Variants in ASPM observed in about 807,000 individuals in gnomAD.
ASPM encodes abnormal spindle-like microcephaly-associated protein.
A neutral mutation model predicts 366.4 loss-of-function variants in ASPM; 256 were observed. The observed-to-expected ratio is 0.70, with a 90% CI of 0.63 to 0.77. The LOEUF is 0.77. Among genes scored for constraint, ASPM ranks in the 30% least tolerant of loss-of-function variants. The probability of loss-of-function intolerance (pLI) is 0.00; values close to 1 mark genes in which losing one functional copy is unlikely to be tolerated. For missense variants in ASPM, 4,146 were observed against 4,090.4 expected, an observed-to-expected ratio of 1.01 and a Z score of -0.37; for synonymous variants, 1,414 against 1,342.9, an observed-to-expected ratio of 1.05 and a Z score of -1.16.
chr1:197,124,823 G>A, intron 12 of ASPM, 47 bp downstream of exon 12: 1 of 1,385,420 alleles, frequency 7.2e-7, no homozygotes, highest in Non-Finnish European at 1.0e-6. Context: ...TTATAAATCA[G>A]TAATCAAAAT....
At chr1:197,107,944 A>G (rs539520449) in intron 17 of ASPM, among the ~76,000 whole-genome samples, 2 of 152,136 alleles carry the variant, frequency 1.3e-5, no homozygotes, top group South Asian at 2.1e-4. Flanking sequence ...AAAAAACTCT[A>G]TTTATAAAAA....
chr1:197,129,308 T>C lies in ASPM; in HGVS notation c.2639A>G (p.Glu880Gly), dbSNP rs1466424897. The change falls in exon 9 of 28, where the codon GAA becomes GGA. Residue 880 changes from glutamate to glycine, a missense_variant. Physicochemically the swap from Glu to Gly is moderately conservative, Grantham distance 98. Transcript: ENST00000367409. ...TTTCAATGTAAACTTGGACAAAGCT[T>C]CTTCATGACCTTAAATAAAGTACAA... ...VPHLYRDGHEEALSKFTLKKL... is the reference protein window; with the variant it reads ...VPHLYRDGHEGALSKFTLKKL... 2 of 1,612,958 alleles carry C rather than the reference T, an allele frequency of 1.2e-6. No homozygotes were observed. Among genetic ancestry groups the C allele is most frequent in the East Asian group, 4.5e-5 (2 of 44,712 alleles).
Position 197,105,156 on chromosome 1 carries a change from T to C in ASPM, c.4095A>G (p.Gln1365=). The C allele has an allele frequency of 6.2e-7, 1 of 1,608,030 alleles. No individual in the cohort carries two copies. The highest frequency in any genetic ancestry group is 2.2e-5 in the East Asian group (1 of 44,706). The change falls in exon 18 of 28, where the codon CAA becomes CAG. Residue 1365 remains glutamine, a synonymous_variant. Transcript: ENST00000367409. ...AATAATATTTCAATTTCAGAAATCT[T>C]TGTCTAGTGGAATATCTTCTCCAAT... ...QGYWRRYSTR[Q]RFLKLKYYSI... is the part of the protein sequence containing the mutation.
rs374716623 is a variant in ASPM at position 197,124,730 on chromosome 1, G to C, written c.3168+140C>G. The C allele has an allele frequency of 6.4e-6, 4 of 626,488 alleles. No homozygotes were observed. The East Asian group carries it at 9.3e-5, about 15-fold the overall frequency. The allele number at this position is 626,488 out of a possible 1,614,324, so 38.8% of individuals were successfully genotyped here. A position where few individuals can be genotyped will look rare whatever the true frequency, so the allele number is the denominator to read the frequency against. ...ACATATATATACATATATATATATA[G>C]CATTTATCACAGTTACTGGGGCAAA... On this transcript the variant is annotated intron_variant, in intron 12 of 27. Transcript: ENST00000367409.
In ASPM at chr1:197,103,560, T is replaced by C. The variant is rs768200667; in HGVS notation, c.5691A>G (p.Glu1897=). The C allele has an allele frequency of 2.2e-5, 36 of 1,613,084 alleles. No homozygotes were observed. Among genetic ancestry groups the C allele is most frequent in the Non-Finnish European group, 3.0e-5 (35 of 1,179,478 alleles). Residue 1897 remains glutamate, a synonymous_variant, in exon 18 of 28, where the codon GAA becomes GAG. Transcript: ENST00000367409. Reference sequence around the variant, plus strand: ...ACTGAATCTTCAAGGCAGCTTGATGTTCCCTTCTAATCTGTTTCCGAACCT... The same window carrying C: ...ACTGAATCTTCAAGGCAGCTTGATGCTCCCTTCTAATCTGTTTCCGAACCT... The part of the protein sequence containing the change: ...GWKVRKQIRR[E]HQAALKIQSA...
Position 197,102,474 on chromosome 1 carries a change from T to A in ASPM, c.6777A>T (p.Leu2259Phe), listed in dbSNP as rs1434690526. The A allele has an allele frequency of 2.5e-6, 4 of 1,612,730 alleles. No individual in the cohort carries two copies. Among genetic ancestry groups the A allele is most frequent in the Admixed American group, 1.7e-5 (1 of 59,808 alleles). Residue 2259 changes from leucine (L) to phenylalanine (F), a missense_variant, in exon 18 of 28, where the codon TTA (leucine) becomes TTT (phenylalanine). By Grantham distance (22) the Leu-to-Phe change is conservative (BLOSUM62 0). Around this residue, in one of 3 missense-constraint regions of ASPM, gnomAD observed 3,624 missense variants for 3,591.7 expected, o/e 1.01. Transcript: ENST00000367409. ...IFRGKKARRH[L>F]KMMHIAATLI... ...GAGTTGCGGCTATATGCATCATTTT[T>A]AAATGTCTTCTAGCTTTCTTTCCCC...
chr1:197,087,114 G>T lies in ASPM; in HGVS notation c.10162-142C>A, dbSNP rs868241087. Reference sequence around the variant, plus strand: ...TTGAGATGGTCTCTCTTGCTCTGTCGCCCAGGCTGAAGTGCAGTGGTGCGA... The same window carrying T: ...TTGAGATGGTCTCTCTTGCTCTGTCTCCCAGGCTGAAGTGCAGTGGTGCGA... On this transcript the variant is annotated intron_variant, in intron 26 of 27. Coordinates refer to ENST00000367409, the MANE Select transcript of ASPM (RefSeq NM_018136.5). The T allele has an allele frequency of 1.3e-5, 10 of 760,372 alleles. No homozygotes were observed. The Admixed American group carries it at 2.2e-4, about 17-fold the overall frequency. 47.1% of individuals were successfully genotyped at this position (760,372 alleles called of 1,614,324 possible).
At chr1:197,119,696 T>C (rs1463276981) in intron 16 of ASPM, among the ~76,000 whole-genome samples, 4 of 152,140 alleles carry the variant, frequency 2.6e-5, no homozygotes, top group Non-Finnish European at 5.9e-5. Flanking sequence ...TCTTGCCTCA[T>C]ATATATAGGG....
rs1319926089 is a variant in ASPM at position 197,119,815 on chromosome 1, T to G, written c.3871-1832A>C. 5.9e-5 allele frequency among the ~76,000 whole-genome samples: 9 copies of G among 152,170 alleles called. No homozygotes were observed. In the East Asian group the frequency reaches 1.7e-3, roughly 29 times the overall value. On this transcript the variant is annotated intron_variant, in intron 16 of 27. Coordinates refer to ENST00000367409, the MANE Select transcript of ASPM (RefSeq NM_018136.5). The stretch of plus-strand genomic sequence containing the variant: ...GCTTCAATAGTTCATCAGGTAATTT[T>G]AGCTACTTGACAAAGTTTCTTTGTC...
At chr1:197,143,852 T>C (rs1397168192) in intron 2 of ASPM, 42 bp from the exon 3 acceptor site, 1 of 1,584,688 alleles carries the variant, frequency 6.3e-7, no homozygotes, top group South Asian at 1.1e-5. Flanking sequence ...TTTGTAGCTA[T>C]TGAATATTAA....
chr1:197,124,510 CT>C (rs974954491), intron 12 of ASPM, among the ~76,000 whole-genome samples, 179 bp from the exon 13 acceptor site: 4 of 149,518 alleles, frequency 2.7e-5, no homozygotes, highest in Non-Finnish European at 4.5e-5. Flanking sequence ...AAAACAGTCG[CT>C]TTTTTTTTCC....
intron 12 of ASPM, 84 bp from the exon 13 acceptor site, chr1:197,124,415 C>T (rs1484990009): frequency 1.0e-6 from 1 of 991,326 alleles, no homozygotes; most frequent in Non-Finnish European, 1.5e-6. Flanking sequence ...TAACTGTCTT[C>T]TATTTAGAGA....
In ASPM at chr1:197,089,965, T is replaced by G; in HGVS notation, c.9949A>C (p.Arg3317=). The G allele has an allele frequency of 6.2e-7, 1 of 1,613,386 alleles. No homozygotes were observed. Among genetic ancestry groups the G allele is most frequent in the Non-Finnish European group, 8.5e-7 (1 of 1,179,542 alleles). Residue 3317 remains arginine, a synonymous_variant, in exon 25 of 28, where the codon AGA becomes CGA. Coordinates refer to ENST00000367409, the MANE Select transcript of ASPM (RefSeq NM_018136.5). The part of the protein sequence containing the change: ...NRSIPCMEVI[R]YAVQVLLNVS... Reference sequence around the variant, plus strand: ...TTAAGCAAGACTTGCACAGCATATCTGATGACTTCCATACAAGGAATACTG... The same window carrying G: ...TTAAGCAAGACTTGCACAGCATATCGGATGACTTCCATACAAGGAATACTG...
In ASPM at chr1:197,144,542, A is replaced by G. The variant is rs184703751; in HGVS notation, c.298-442T>C. Among the ~76,000 whole-genome samples, 19 of 152,366 alleles carry G rather than the reference A, an allele frequency of 1.2e-4. 1 individual carries two copies. In the East Asian group the frequency reaches 2.9e-3, roughly 23 times the overall value. On this transcript the variant is annotated intron_variant, in intron 1 of 27. Transcript: ENST00000367409. ...AAATTCCTCTAAGGTCCACATCATC[A>G]TACTGAGATTTCTTAAACAGGTATT...
chr1:197,144,071 G>A lies in ASPM; in HGVS notation c.327C>T (p.Asn109=), dbSNP rs374755559. 4.7e-5 allele frequency: 75 copies of A among 1,606,774 alleles called. No homozygotes were observed. The highest frequency in any genetic ancestry group is 6.3e-5 in the Non-Finnish European group (74 of 1,173,900). Reference sequence around the variant, plus strand: ...CTCGGCCTTCTTTGAGTGGTGTCCAGTTAACAGAAATAACAATTTTCTCTT... The same window carrying A: ...CTCGGCCTTCTTTGAGTGGTGTCCAATTAACAGAAATAACAATTTTCTCTT... ...QPKEKIVISV[N]WTPLKEGRVR... is the part of the protein sequence containing the mutation. The change falls in exon 2 of 28, where the codon AAC becomes AAT. Residue 109 remains asparagine (N), a synonymous_variant. Coordinates refer to ENST00000367409, the MANE Select transcript of ASPM (RefSeq NM_018136.5).
At chr1:197,125,557 T>A (rs1658065168) in intron 10 of ASPM, among the ~76,000 whole-genome samples, 1 of 152,126 alleles carries the variant, frequency 6.6e-6, no homozygotes, top group Non-Finnish European at 1.5e-5. Flanking sequence ...ATTGTACACA[T>A]CAAGCAAGTG....
At position 197,142,543 on chromosome 1, in the gene ASPM, G is replaced by T; in HGVS notation, c.1709C>A (p.Ser570Ter). The T allele has an allele frequency of 6.2e-7, 1 of 1,614,040 alleles. No individual in the cohort carries two copies. Among genetic ancestry groups the T allele is most frequent in the Non-Finnish European group, 8.5e-7 (1 of 1,179,896 alleles). The change falls in exon 3 of 28, where the codon TCA becomes TAA. Residue 570 changes from serine to a stop codon, truncating the protein, a stop_gained. Transcript: ENST00000367409. LOFTEE classifies it high-confidence loss of function. ...ATCGCTCTTTCTTTTCCGAGCAACTGAAGCTGTTGTCGAAGAGGGTGTTAC... is the reference window on the plus strand; with the variant it reads ...ATCGCTCTTTCTTTTCCGAGCAACTTAAGCTGTTGTCGAAGAGGGTGTTAC... ...NEVTPSSTTA[S>*]VARKRKSDGS...
At chr1:197,125,246 C>A in intron 10 of ASPM, 55 bp from the exon 11 acceptor site, 2 of 1,583,456 alleles carry the variant, frequency 1.3e-6, no homozygotes, top group African/African-American at 1.3e-5. Context: ...TATGAAAAAA[C>A]CCTTCACTGA....
intron 17 of ASPM, among the ~76,000 whole-genome samples, chr1:197,115,615 G>A (rs1416233129): frequency 2.0e-5 from 3 of 152,068 alleles, no homozygotes; most frequent in Non-Finnish European, 2.9e-5. Flanking sequence ...TTTTATCCAT[G>A]GACTACAGAA....
Sources: allele counts gnomAD v4.1 joint callset (sites outside exome capture counted in the v4.1 genomes callset), GRCh38; gene constraint gnomAD v4.1.1; regional missense constraint gnomAD v4.1.1; transcripts MANE v1.5; gene names NCBI Gene and HGNC (gene_info 2026-07-23, HGNC 2026-07-21).